CAMK1D: variants seen among roughly 807,000 people sequenced by gnomAD.
The protein encoded by CAMK1D is calcium/calmodulin-dependent protein kinase type 1D.
Under a neutral mutation model 47.7 loss-of-function variants are expected in CAMK1D, and 9 were observed. The ratio of observed to expected loss-of-function variants is 0.19; its 90% confidence interval spans 0.11 to 0.33. The LOEUF is 0.33. Among genes scored for constraint, CAMK1D ranks in the 10% least tolerant of loss-of-function variants. The pLI is 1.00. For synonymous variants in CAMK1D, 184 were observed against 184.9 expected (o/e 0.99, Z 0.04); for missense variants, 291 against 488.7 (o/e 0.60, Z 3.81).
intron 3 of CAMK1D, among the ~76,000 whole-genome samples, chr10:12,745,064 G>A (rs1374268486): frequency 2.6e-5 from 4 of 152,192 alleles, no homozygotes; most frequent in South Asian, 2.1e-4. Flanking sequence ...GAACAGTCTC[G>A]CCATCGTCCA....
chr10:12,648,902 A>G (rs1168900730), intron 2 of CAMK1D, among the ~76,000 whole-genome samples: 7 of 152,146 alleles, frequency 4.6e-5, no homozygotes, highest in Non-Finnish European at 1.0e-4. Context: ...TTTGGAGACA[A>G]GGTCTTGCTC....
intron 8 of CAMK1D, among the ~76,000 whole-genome samples, chr10:12,822,037 C>T (rs1588969322): frequency 1.3e-5 from 2 of 152,238 alleles, no homozygotes; most frequent in East Asian, 3.9e-4. Flanking sequence ...CATAGCGTTG[C>T]CTAAGTGTGT....
chr10:12,622,762 G>A (rs894870983), intron 2 of CAMK1D, among the ~76,000 whole-genome samples: 3 of 151,982 alleles, frequency 2.0e-5, no homozygotes, highest in East Asian at 1.9e-4. Flanking sequence ...ACCTAAGCTC[G>A]TCAGAAAACT....
intron 1 of CAMK1D, among the ~76,000 whole-genome samples, chr10:12,484,710 G>A (rs1189532843): frequency 3.9e-5 from 6 of 152,100 alleles, no homozygotes; most frequent in Admixed American, 1.3e-4. Flanking sequence ...GGGGCAGCTC[G>A]TGGAGGAGAG....
rs945280884 is a variant in CAMK1D at position 12,684,538 on chromosome 10, C to A, written c.299+17728C>A. ...TCAATATAGTAGAAGATGATCAATT[C>A]ATGATCTAAATACTAAAAGGCATCC... On this transcript the variant is annotated intron_variant, in intron 3 of 10. Transcript: ENST00000619168. 4.3e-4 allele frequency among the ~76,000 whole-genome samples: 66 copies of A among 152,072 alleles called. 1 individual carries two copies. The highest frequency in any genetic ancestry group is 1.6e-3 in the African/African-American group (65 of 41,400).
chr10:12,795,004 G>C (rs948880049), intron 6 of CAMK1D, among the ~76,000 whole-genome samples: 1 of 152,136 alleles, frequency 6.6e-6, no homozygotes, highest in African/African-American at 2.4e-5. Context: ...CACGGTGCCT[G>C]GAATAGAGAA....
At chr10:12,734,389 TAG>T (rs1407108603) in intron 3 of CAMK1D, among the ~76,000 whole-genome samples, 1,392 of 31,906 alleles carry the variant, frequency 0.044, 228 homozygotes, top group South Asian at 0.15. Flanking sequence ...GATATAGATA[TAG>T]ATATATATAT....
intron 1 of CAMK1D, among the ~76,000 whole-genome samples, chr10:12,463,954 C>G (rs545209105): frequency 9.9e-4 from 151 of 152,172 alleles, no homozygotes; most frequent in Middle Eastern, 3.4e-3. Flanking sequence ...CCTTGCTTCC[C>G]CTTCTGCCTT....
At chr10:12,668,473 T>A (rs1269910331) in intron 3 of CAMK1D, among the ~76,000 whole-genome samples, 2 of 152,228 alleles carry the variant, frequency 1.3e-5, no homozygotes, top group Admixed American at 1.3e-4. Context: ...TCTGCCTCTT[T>A]CTAGCCAGGG....
At chr10:12,701,586 C>T (rs1401304758) in intron 3 of CAMK1D, among the ~76,000 whole-genome samples, 1 of 152,156 alleles carries the variant, frequency 6.6e-6, no homozygotes, top group African/African-American at 2.4e-5. Context: ...TCTTAAGTGA[C>T]ATGTCTGTGA....
At chr10:12,529,244 C>T (rs1835726989) in intron 1 of CAMK1D, among the ~76,000 whole-genome samples, 2 of 152,182 alleles carry the variant, frequency 1.3e-5, no homozygotes, top group African/African-American at 2.4e-5. Flanking sequence ...AAGTAGGTAG[C>T]ATAATTCTCA....
At chr10:12,673,986 C>G (rs531584396) in intron 3 of CAMK1D, among the ~76,000 whole-genome samples, 149 of 152,204 alleles carry the variant, frequency 9.8e-4, no homozygotes, top group African/African-American at 3.4e-3. Flanking sequence ...CTCTCTGTCA[C>G]CCAGGCTGGA....
At chr10:12,632,044 C>G (rs1373545622) in intron 2 of CAMK1D, among the ~76,000 whole-genome samples, 1 of 152,176 alleles carries the variant, frequency 6.6e-6, no homozygotes, top group Admixed American at 6.5e-5. Context: ...CCAGCTAAAC[C>G]CATCCCTCTG....
chr10:12,539,607 C>T (rs1836097677), intron 1 of CAMK1D, among the ~76,000 whole-genome samples: 1 of 152,200 alleles, frequency 6.6e-6, no homozygotes, highest in African/African-American at 2.4e-5. Flanking sequence ...GGTTCCCCCA[C>T]CATCAGGGAT....
At chr10:12,511,994 G>C (rs929679012) in intron 1 of CAMK1D, among the ~76,000 whole-genome samples, 1 of 152,240 alleles carries the variant, frequency 6.6e-6, no homozygotes, top group Non-Finnish European at 1.5e-5. Flanking sequence ...TGTGCAATGG[G>C]TGTAAAGATA....
At chr10:12,794,590 G>A (rs750539580) in intron 6 of CAMK1D, among the ~76,000 whole-genome samples, 5 of 152,178 alleles carry the variant, frequency 3.3e-5, no homozygotes, top group Non-Finnish European at 7.3e-5. Flanking sequence ...ATTCCTTTGA[G>A]TATAAATTTG....
At chr10:12,703,057 G>A (rs11812424) in intron 3 of CAMK1D, among the ~76,000 whole-genome samples, 16,417 of 152,242 alleles carry the variant, frequency 0.11, 2,716 homozygotes, top group African/African-American at 0.35. Context: ...TGTTTCCAAA[G>A]AAGTTCATCT....
chr10:12,622,994 C>T (rs1046109435), intron 2 of CAMK1D, among the ~76,000 whole-genome samples: 2 of 151,344 alleles, frequency 1.3e-5, no homozygotes, highest in African/African-American at 2.4e-5. Context: ...TCCCTCCAAT[C>T]GTCCGTCCCG....
intron 1 of CAMK1D, among the ~76,000 whole-genome samples, chr10:12,358,620 T>G (rs990076964): frequency 6.6e-6 from 1 of 152,148 alleles, no homozygotes; most frequent in African/African-American, 2.4e-5. Context: ...GTATATTTGC[T>G]GAGGCCGGGT....
Sources: allele counts gnomAD v4.1 joint callset (sites outside exome capture counted in the v4.1 genomes callset), GRCh38; gene constraint gnomAD v4.1.1; transcripts MANE v1.5; gene names NCBI Gene and HGNC (gene_info 2026-07-23, HGNC 2026-07-21).